Variants in RFX7 observed in about 807,000 individuals in gnomAD.
RFX7 encodes DNA-binding protein RFX7.
Under a neutral mutation model 111.8 loss-of-function variants are expected in RFX7, and 26 were observed. The ratio of observed to expected loss-of-function variants is 0.23; its 90% CI spans 0.17 to 0.32. RFX7 has a LOEUF of 0.32. Ranked by LOEUF, RFX7 falls within the 10% of genes least tolerant of loss-of-function variation. The probability of loss-of-function intolerance (pLI) is 1.00; values close to 1 mark genes in which losing one functional copy is unlikely to be tolerated. For missense variants in RFX7, 1,573 were observed against 1,772.9 expected, an observed-to-expected ratio of 0.89 and a Z score of 2.02; for synonymous variants, 624 against 624.4, an observed-to-expected ratio of 1.00 and a Z score of 0.01.
At chr15:56,243,046 CCCGCCCG>C in intron 2 of RFX7, 72 bp downstream of exon 2, 14 of 613,302 alleles carry the variant, frequency 2.3e-5, no homozygotes, top group Non-Finnish European at 3.6e-5. Flanking sequence ...CTCCGCTCCC[CCCGCCCG>C]CCGCCCCCCA....
At chr15:56,236,705 C>T (rs868507769) in intron 2 of RFX7, among the ~76,000 whole-genome samples, 1 of 152,194 alleles carries the variant, frequency 6.6e-6, no homozygotes, top group East Asian at 1.9e-4. Context: ...ATTGAATCTA[C>T]AATATGACAT....
chr15:56,154,300 C>G (rs1389679749), intron 3 of RFX7, among the ~76,000 whole-genome samples: 1 of 152,090 alleles, frequency 6.6e-6, no homozygotes, highest in Non-Finnish European at 1.5e-5. Flanking sequence ...ACATATGGAA[C>G]CAAAAAAGAG....
intron 5 of RFX7, among the ~76,000 whole-genome samples, chr15:56,140,987 A>G (rs577441285): frequency 8.1e-4 from 124 of 152,324 alleles, no homozygotes; most frequent in African/African-American, 2.8e-3. Context: ...TTCAAAAATT[A>G]TATGAATACT....
Position 56,087,690 on chromosome 15 carries a change from T to C in RFX7, c.*5655A>G. On this transcript the variant is annotated 3_prime_UTR_variant, in exon 10 of 10. Coordinates refer to ENST00000559447, the MANE Select transcript of RFX7 (RefSeq NM_022841.7). ...GGGGAGAATGCATACTACTGGTAAG[T>C]ATCCGCCTCTGCTATAGTGACCTCA... 2.6e-6 allele frequency: 1 copy of C among 388,616 alleles called. No individual in the cohort carries two copies. Among genetic ancestry groups the C allele is most frequent in the South Asian group, 1.9e-5 (1 of 52,332 alleles). The allele number at this position is 388,616 out of a possible 1,614,324, so 24.1% of individuals were successfully genotyped here.
At chr15:56,194,135 AT>A (rs1248333411) in intron 2 of RFX7, among the ~76,000 whole-genome samples, 1 of 152,124 alleles carries the variant, frequency 6.6e-6, no homozygotes, top group Non-Finnish European at 1.5e-5. Flanking sequence ...TTGATAAACT[AT>A]TTTTTACTGC....
chr15:56,174,095 T>C (rs1041026416), intron 3 of RFX7, among the ~76,000 whole-genome samples: 3 of 151,898 alleles, frequency 2.0e-5, no homozygotes, highest in Non-Finnish European at 4.4e-5. Context: ...CTGGCCAACA[T>C]GGTGAAACCC....
intron 3 of RFX7, 53 bp from the exon 4 acceptor site, chr15:56,144,536 C>T: frequency 9.7e-7 from 1 of 1,026,616 alleles, no homozygotes. Flanking sequence ...ACTCATTTTT[C>T]CCCAAACAAA....
intron 2 of RFX7, among the ~76,000 whole-genome samples, chr15:56,195,611 C>T (rs2043140205): frequency 6.6e-6 from 1 of 152,096 alleles, no homozygotes; most frequent in Non-Finnish European, 1.5e-5. Flanking sequence ...TAACCAAAGA[C>T]CCGTGTTTCT....
chr15:56,208,730 C>G (rs1489891407), intron 2 of RFX7, among the ~76,000 whole-genome samples: 1 of 151,994 alleles, frequency 6.6e-6, no homozygotes, highest in Non-Finnish European at 1.5e-5. Flanking sequence ...AAAGAAATGT[C>G]AAGAGATTAG....
chr15:56,171,599 G>A (rs543864334), intron 3 of RFX7, among the ~76,000 whole-genome samples: 1 of 152,094 alleles, frequency 6.6e-6, no homozygotes, highest in Non-Finnish European at 1.5e-5. Flanking sequence ...AAAACCCATG[G>A]CACTGCTAAC....
Position 56,087,509 on chromosome 15 carries a change from A to G in RFX7, c.*5836T>C, listed in dbSNP as rs1447915230. 1 of 456,598 alleles carries G rather than the reference A, an allele frequency of 2.2e-6. No homozygotes were observed. Among genetic ancestry groups the G allele is most frequent in the African/African-American group, 2.0e-5 (1 of 50,066 alleles). The allele number at this position is 456,598 out of a possible 1,614,324, so 28.3% of individuals were successfully genotyped here. On this transcript the variant is annotated 3_prime_UTR_variant, in exon 10 of 10. Coordinates refer to ENST00000559447, the MANE Select transcript of RFX7 (RefSeq NM_022841.7). ...GCCAGCAGAGAGGAAGGACAAGAACACTGCAAAGAAGTAGCACCCAAACCT... is the reference window on the plus strand; with the variant it reads ...GCCAGCAGAGAGGAAGGACAAGAACGCTGCAAAGAAGTAGCACCCAAACCT...
intron 2 of RFX7, among the ~76,000 whole-genome samples, chr15:56,220,157 G>T (rs111784785): frequency 0.066 from 10,060 of 152,058 alleles, 453 homozygotes; most frequent in Admixed American, 0.11. Flanking sequence ...TCATATGCTT[G>T]TTGGCCATGT....
In RFX7 at chr15:56,215,178, T is replaced by C. The variant is rs921097968; in HGVS notation, c.161+27947A>G. Among the ~76,000 whole-genome samples, 6 of 152,242 alleles carry C rather than the reference T, an allele frequency of 3.9e-5. 1 individual carries two copies. The South Asian group carries it at 1.2e-3, about 31-fold the overall frequency. On this transcript the variant is annotated intron_variant, in intron 2 of 9. Transcript: ENST00000559447. Reference sequence around the variant, plus strand: ...ACACCTTCATGTATGTTAAATCATCTCCAGATTCCTTGTAATCAATACAAT... The same window carrying C: ...ACACCTTCATGTATGTTAAATCATCCCCAGATTCCTTGTAATCAATACAAT...
chr15:56,234,877 C>T (rs1284597113), intron 2 of RFX7, among the ~76,000 whole-genome samples: 1 of 152,072 alleles, frequency 6.6e-6, no homozygotes. Flanking sequence ...AGTAAAAACT[C>T]ACTAAAATGG....
chr15:56,235,222 G>A (rs890537815), intron 2 of RFX7, among the ~76,000 whole-genome samples: 8 of 151,566 alleles, frequency 5.3e-5, no homozygotes, highest in South Asian at 2.1e-4. Context: ...CGCCCAGGCC[G>A]GAGTGCAGTG....
intron 2 of RFX7, among the ~76,000 whole-genome samples, chr15:56,229,243 C>A (rs1474219640): frequency 6.6e-6 from 1 of 152,114 alleles, no homozygotes. Flanking sequence ...CAACATGAGA[C>A]TTTGGCCTAA....
At chr15:56,139,401 A>C (rs1230615023) in intron 5 of RFX7, among the ~76,000 whole-genome samples, 3 of 152,086 alleles carry the variant, frequency 2.0e-5, no homozygotes, top group Non-Finnish European at 4.4e-5. Context: ...CTTCCAGTTG[A>C]TCGCATCGGC....
At chr15:56,243,103 G>C in intron 2 of RFX7, 22 bp downstream of exon 2, 1 of 1,356,586 alleles carries the variant, frequency 7.4e-7, no homozygotes, top group Non-Finnish European at 9.8e-7. Context: ...TTTTTCACGC[G>C]AGCGATGGAG....
chr15:56,194,174 G>C (rs2043126038), intron 2 of RFX7, among the ~76,000 whole-genome samples: 1 of 152,014 alleles, frequency 6.6e-6, no homozygotes, highest in Non-Finnish European at 1.5e-5. Flanking sequence ...ACTCTCACTT[G>C]TCCCTTCCAA....
Sources: gnomAD v4.1 joint callset for allele counts (sites outside exome capture counted in the v4.1 genomes callset) on GRCh38, gnomAD v4.1.1 for gene constraint, MANE v1.5 for transcripts, NCBI Gene and HGNC (gene_info 2026-07-23, HGNC 2026-07-21) for gene names.